Variants in PIWIL4 observed in about 807,000 individuals in gnomAD.
PIWIL4 encodes the protein piwi-like protein 4.
PIWIL4 carries 50 observed loss-of-function variants against 100.9 expected under a neutral mutation model. That is an observed-to-expected ratio of 0.50 (90% CI 0.39 to 0.63). The LOEUF (loss-of-function observed/expected upper bound fraction) is 0.63. PIWIL4 is among the 20% of genes least tolerant of loss of function. The pLI is 0.00. For missense variants in PIWIL4, 887 were observed against 1,043.3 expected, an observed-to-expected ratio of 0.85 and a Z score of 2.06; for synonymous variants, 342 against 367.5, an observed-to-expected ratio of 0.93 and a Z score of 0.79.
chr11:94,606,177 G>C (rs2135290127), intron 13 of PIWIL4, among the ~76,000 whole-genome samples: 2 of 152,246 alleles, frequency 1.3e-5, no homozygotes, highest in Admixed American at 1.3e-4. Context: ...TCCAGCCCCT[G>C]GTGTGGAACC....
chr11:94,598,937 G>A (rs1323500794), intron 11 of PIWIL4, among the ~76,000 whole-genome samples: 1 of 152,070 alleles, frequency 6.6e-6, no homozygotes, highest in Non-Finnish European at 1.5e-5. Context: ...TGAACTCCTG[G>A]GCTCAAGCCA....
chr11:94,577,587 C>G, intron 4 of PIWIL4, 95 bp downstream of exon 4: 1 of 978,106 alleles, frequency 1.0e-6, no homozygotes, highest in Non-Finnish European at 1.4e-6. Context: ...AAGGAGATTC[C>G]AAAAGGTTTG....
chr11:94,577,453 C>T lies in PIWIL4; in HGVS notation c.474C>T (p.Asp158=), dbSNP rs368212360. 50 of 1,613,594 alleles carry T rather than the reference C, an allele frequency of 3.1e-5. No homozygotes were observed. The highest frequency in any genetic ancestry group is 2.7e-4 in the East Asian group (12 of 44,852). Residue 158 remains aspartate, a synonymous_variant, in exon 4 of 20, where the codon GAC becomes GAT. Transcript: ENST00000299001. ...TTTCCAACAAAGCAAAAGCATTCGA[C>T]GGTGCCATCCTTTTTCTGTCACAAA... ...SELSNKAKAF[D]GAILFLSQKL...
intron 16 of PIWIL4, among the ~76,000 whole-genome samples, chr11:94,617,572 GA>G (rs1948860101): frequency 3.3e-5 from 5 of 152,078 alleles, no homozygotes; most frequent in Admixed American, 2.6e-4. Context: ...CATTAGGAAG[GA>G]AAATGACATA....
chr11:94,611,782 A>G (rs1246591858), intron 15 of PIWIL4, among the ~76,000 whole-genome samples: 1 of 152,136 alleles, frequency 6.6e-6, no homozygotes, highest in African/African-American at 2.4e-5. Flanking sequence ...TTTGCCTTTC[A>G]TGATGATTAT....
At chr11:94,616,451 A>G in intron 15 of PIWIL4, 42 bp from the exon 16 acceptor site, 1 of 1,462,544 alleles carries the variant, frequency 6.8e-7, no homozygotes, top group Admixed American at 2.0e-5. Flanking sequence ...TGGTAGAAAA[A>G]TTGAAGTTGA....
chr11:94,599,364 C>CT (rs1257289980), intron 11 of PIWIL4, among the ~76,000 whole-genome samples: 2 of 152,144 alleles, frequency 1.3e-5, no homozygotes, highest in Admixed American at 6.5e-5. Context: ...TAGCAGGTGT[C>CT]TAAGATGACA....
chr11:94,618,643 A>G (rs944045397), intron 17 of PIWIL4, among the ~76,000 whole-genome samples: 5 of 152,228 alleles, frequency 3.3e-5, no homozygotes, highest in African/African-American at 4.8e-5. Context: ...GTTTCAGTAC[A>G]AAATTTTCTG....
At chr11:94,583,791 T>C (rs911248501) in intron 5 of PIWIL4, among the ~76,000 whole-genome samples, 5 of 152,230 alleles carry the variant, frequency 3.3e-5, no homozygotes, top group African/African-American at 4.8e-5. Context: ...TTGTCCTAAG[T>C]TGAGACAAAT....
At chr11:94,568,438 C>T (rs145232615) in intron 1 of PIWIL4, among the ~76,000 whole-genome samples, 73 of 152,276 alleles carry the variant, frequency 4.8e-4, no homozygotes, top group African/African-American at 1.7e-3. Context: ...CGCATGCCCT[C>T]TGGTGAGCTC....
Position 94,620,929 on chromosome 11 carries a change from G to A in PIWIL4, c.2496G>A (p.Leu832=). The A allele has an allele frequency of 6.2e-7, 1 of 1,613,802 alleles. No homozygotes were observed. Among genetic ancestry groups the A allele is most frequent in the South Asian group, 1.1e-5 (1 of 91,064 alleles). ...PCQYAHKLTF[L]VAQSIHKEPS... is the part of the protein sequence containing the mutation. ...AGTATGCTCACAAGCTGACCTTTCT[G>A]GTGGCACAAAGCATTCATAAAGAAC... Residue 832 remains leucine, a synonymous_variant, in exon 20 of 20, where the codon CTG becomes CTA. Coordinates refer to ENST00000299001, the MANE Select transcript of PIWIL4 (RefSeq NM_152431.3).
intron 19 of PIWIL4, 24 bp downstream of exon 19, chr11:94,620,168 T>A: frequency 6.4e-7 from 1 of 1,554,296 alleles, no homozygotes; most frequent in Non-Finnish European, 8.7e-7. Flanking sequence ...GTTTACTTAA[T>A]GTAAATATGA....
At chr11:94,586,909 A>G (rs1043987146) in intron 6 of PIWIL4, 141 bp from the exon 7 acceptor site, 2 of 831,150 alleles carry the variant, frequency 2.4e-6, no homozygotes, top group Non-Finnish European at 3.7e-6. Flanking sequence ...TCAGTCAACA[A>G]CTGGAAGAAA....
chr11:94,585,362 A>G (rs1948384165), intron 5 of PIWIL4, 83 bp from the exon 6 acceptor site: 1 of 935,430 alleles, frequency 1.1e-6, no homozygotes, highest in Non-Finnish European at 1.6e-6. Context: ...TATTTTTAAC[A>G]TTATGTTCAG....
chr11:94,587,781 T>C (rs940944775), intron 7 of PIWIL4, among the ~76,000 whole-genome samples: 1 of 152,192 alleles, frequency 6.6e-6, no homozygotes, highest in African/African-American at 2.4e-5. Flanking sequence ...CTTTATTAGA[T>C]TCAGGAGTCT....
intron 3 of PIWIL4, among the ~76,000 whole-genome samples, chr11:94,576,386 G>C (rs1948237062): frequency 6.6e-6 from 1 of 152,080 alleles, no homozygotes. Flanking sequence ...CACCCGCCTT[G>C]GCCTCCCAAA....
At chr11:94,589,038 A>C in intron 7 of PIWIL4, 83 bp from the exon 8 acceptor site, 1 of 879,438 alleles carries the variant, frequency 1.1e-6, no homozygotes, top group Non-Finnish European at 1.8e-6. Context: ...AGTCTATCTT[A>C]TGTGTTGAAT....
intron 13 of PIWIL4, among the ~76,000 whole-genome samples, chr11:94,606,594 C>T (rs999716441): frequency 1.3e-5 from 2 of 152,132 alleles, no homozygotes; most frequent in East Asian, 3.9e-4. Flanking sequence ...CTTTGGGAGG[C>T]CAGGCCGGGG....
rs773699651 is a variant in PIWIL4, at chr11:94,595,334, T to C, written c.1176T>C (p.Asp392=). 1 of 1,614,000 alleles carries C rather than the reference T, an allele frequency of 6.2e-7. No individual in the cohort carries two copies. The highest frequency in any genetic ancestry group is 1.7e-5 in the Admixed American group (1 of 60,020). Reference sequence around the variant, plus strand: ...GGCTGACTGACCAGGCAACATCTGATTTCCAGCTGATGAAGGCTGTGGCTG... The same window carrying C: ...GGCTGACTGACCAGGCAACATCTGACTTCCAGCTGATGAAGGCTGTGGCTG... ...LTGLTDQATS[D]FQLMKAVAEK... Residue 392 remains aspartate (D), a synonymous_variant, in exon 10 of 20, where the codon GAT becomes GAC. Transcript: ENST00000299001.
Sources: allele counts gnomAD v4.1 joint callset (sites outside exome capture counted in the v4.1 genomes callset), GRCh38; gene constraint gnomAD v4.1.1; transcripts MANE v1.5; gene names NCBI Gene and HGNC (gene_info 2026-07-23, HGNC 2026-07-21).